The following EYA4 variants were observed in gnomAD, a reference collection of about 807,000 sequenced individuals.
The protein encoded by EYA4 is EYA transcriptional coactivator and phosphatase 4, also known as protein phosphatase EYA4.
In EYA4, 31 loss-of-function variants were observed where a neutral mutation model predicts 87.9. That is an observed-to-expected ratio of 0.35 (90% confidence interval 0.27 to 0.48). EYA4 has a LOEUF of 0.48. Among genes scored for constraint, EYA4 ranks in the 20% least tolerant of loss-of-function variants. EYA4 has a pLI of 0.99. For missense variants in EYA4, 678 were observed against 761.4 expected (o/e 0.89, Z 1.29); for synonymous variants, 263 against 270.6 (o/e 0.97, Z 0.28).
chr6:133,448,282 C>G (rs948049627), intron 5 of EYA4, 103 bp downstream of exon 5: 10 of 883,184 alleles, frequency 1.1e-5, no homozygotes, highest in Non-Finnish European at 1.7e-5. Context: ...TTTCTGTGTT[C>G]AGTACTTAAA....
At chr6:133,463,576 G>C (rs529149400) in intron 9 of EYA4, among the ~76,000 whole-genome samples, 2 of 152,036 alleles carry the variant, frequency 1.3e-5, no homozygotes, top group Admixed American at 1.3e-4. Flanking sequence ...GATCAGGCTG[G>C]TCTCAAACTC....
At chr6:133,280,060 T>C (rs989048140) in intron 2 of EYA4, among the ~76,000 whole-genome samples, 15 of 152,358 alleles carry the variant, frequency 9.8e-5, no homozygotes, top group South Asian at 4.1e-4. Flanking sequence ...ATATCTTAAA[T>C]ATATTTTACT....
At chr6:133,253,756 T>C (rs1455681105) in intron 1 of EYA4, among the ~76,000 whole-genome samples, 1 of 152,166 alleles carries the variant, frequency 6.6e-6, no homozygotes, top group East Asian at 1.9e-4. Context: ...TTCTTTTCTC[T>C]GTGTAATACC....
At chr6:133,433,080 TA>T (rs901078190) in intron 3 of EYA4, among the ~76,000 whole-genome samples, 52 of 152,318 alleles carry the variant, frequency 3.4e-4, no homozygotes, top group African/African-American at 1.0e-3. Context: ...GAAATTTGCT[TA>T]AAAAAATCAT....
chr6:133,327,680 A>T (rs949781336), intron 2 of EYA4, among the ~76,000 whole-genome samples: 9 of 152,216 alleles, frequency 5.9e-5, no homozygotes, highest in African/African-American at 2.2e-4. Flanking sequence ...CCAATTCAGT[A>T]AATGGAATTG....
intron 2 of EYA4, among the ~76,000 whole-genome samples, chr6:133,329,531 A>T (rs1374948923): frequency 6.6e-6 from 1 of 152,114 alleles, no homozygotes; most frequent in Non-Finnish European, 1.5e-5. Flanking sequence ...ACAAGTCACA[A>T]GCCTCAGTTA....
chr6:133,436,225 A>G (rs532176482), intron 3 of EYA4, among the ~76,000 whole-genome samples: 7 of 140,742 alleles, frequency 5.0e-5, no homozygotes, highest in African/African-American at 2.1e-4. Context: ...GTCTTGAGGA[A>G]AAAAAAAAAA....
rs1234788716 is a variant in EYA4, at chr6:133,446,757, A to G, written c.208+3A>G. 1.2e-6 allele frequency: 2 copies of G among 1,613,846 alleles called. No homozygotes were observed. The highest frequency in any genetic ancestry group is 1.7e-6 in the Non-Finnish European group (2 of 1,179,846). Reference sequence around the variant, plus strand: ...AGTTACTACAAATGGGACAGGAGGTAAGTGTACTACCCTGAAGATACCCAG... The same window carrying G: ...AGTTACTACAAATGGGACAGGAGGTGAGTGTACTACCCTGAAGATACCCAG... On this transcript the variant is annotated splice_donor_region_variant and intron_variant, in intron 4 of 19. Coordinates refer to ENST00000355286, the MANE Select transcript of EYA4 (RefSeq NM_004100.5).
chr6:133,284,762 A>G (rs1463236434), intron 2 of EYA4, among the ~76,000 whole-genome samples: 2 of 152,192 alleles, frequency 1.3e-5, no homozygotes, highest in East Asian at 3.9e-4. Flanking sequence ...GAGCACTGCT[A>G]TATTTGAAGC....
intron 2 of EYA4, among the ~76,000 whole-genome samples, chr6:133,322,300 G>A (rs550642409): frequency 1.4e-4 from 21 of 152,180 alleles, no homozygotes; most frequent in South Asian, 1.2e-3. Flanking sequence ...ATGTAGAATT[G>A]TGTAGTCGTT....
intron 1 of EYA4, chr6:133,245,104 G>A (rs1774299663): frequency 6.6e-6 from 1 of 152,076 alleles, no homozygotes; most frequent in South Asian, 2.1e-4. Flanking sequence ...TTAGGTAAAT[G>A]CAAGAACACT....
chr6:133,244,416 A>G (rs1317791295), intron 1 of EYA4, among the ~76,000 whole-genome samples: 1 of 152,068 alleles, frequency 6.6e-6, no homozygotes, highest in African/African-American at 2.4e-5. Flanking sequence ...AAAATTTTTA[A>G]AATCTTAAGA....
intron 11 of EYA4, among the ~76,000 whole-genome samples, chr6:133,479,183 C>A (rs1156606607): frequency 6.6e-6 from 1 of 152,012 alleles, no homozygotes; most frequent in Non-Finnish European, 1.5e-5. Flanking sequence ...AAAAATGGAA[C>A]TTTTATGTGA....
intron 3 of EYA4, among the ~76,000 whole-genome samples, chr6:133,419,664 A>C (rs1280097154): frequency 6.6e-6 from 1 of 152,188 alleles, no homozygotes; most frequent in Non-Finnish European, 1.5e-5. Context: ...ACATCTCTCC[A>C]TGGCAAAAGA....
At chr6:133,449,650 C>T (rs932468829) in intron 5 of EYA4, among the ~76,000 whole-genome samples, 13 of 152,158 alleles carry the variant, frequency 8.5e-5, no homozygotes, top group African/African-American at 3.1e-4. Flanking sequence ...GTTACTTAAG[C>T]TCTCTGAGCT....
At chr6:133,464,554 C>T (rs997985724) in intron 9 of EYA4, among the ~76,000 whole-genome samples, 1 of 152,066 alleles carries the variant, frequency 6.6e-6, no homozygotes, top group African/African-American at 2.4e-5. Context: ...GAAGACTGTT[C>T]CCATGTGCTT....
chr6:133,424,344 C>T (rs1790464610), intron 3 of EYA4, among the ~76,000 whole-genome samples: 1 of 152,174 alleles, frequency 6.6e-6, no homozygotes. Context: ...AGCCTTCAGG[C>T]CCTCACTGGC....
chr6:133,400,361 A>C (rs1788155083), intron 3 of EYA4, among the ~76,000 whole-genome samples: 1 of 152,006 alleles, frequency 6.6e-6, no homozygotes, highest in Admixed American at 6.6e-5. Flanking sequence ...TACAAAAATT[A>C]GTAGGGTGTG....
intron 1 of EYA4, among the ~76,000 whole-genome samples, chr6:133,260,549 A>G (rs1386107917): frequency 6.6e-6 from 1 of 151,948 alleles, no homozygotes; most frequent in Non-Finnish European, 1.5e-5. Flanking sequence ...GTAGTTTATA[A>G]CTTTTGGTGG....
Sources: gnomAD v4.1 joint callset for allele counts (sites outside exome capture counted in the v4.1 genomes callset) on GRCh38, gnomAD v4.1.1 for gene constraint, MANE v1.5 for transcripts, NCBI Gene and HGNC (gene_info 2026-07-23, HGNC 2026-07-21) for gene names.